The following ADGRG6 variants were observed in gnomAD, a reference collection of about 807,000 sequenced individuals.
ADGRG6 encodes G-protein coupled receptor 126.
Under a neutral mutation model 142.4 loss-of-function variants are expected in ADGRG6, and 84 were observed. The ratio of observed to expected loss-of-function variants is 0.59; its 90% CI spans 0.49 to 0.71. The LOEUF (loss-of-function observed/expected upper bound fraction) is 0.71. ADGRG6 is among the 30% of genes least tolerant of loss of function. ADGRG6 has a pLI of 0.00. For synonymous variants in ADGRG6, 521 were observed against 520.5 expected (o/e 1.00, Z -0.01); for missense variants, 1,367 against 1,466.6 (o/e 0.93, Z 1.11).
intron 1 of ADGRG6, among the ~76,000 whole-genome samples, chr6:142,304,015 T>C (rs1023342879): frequency 2.6e-5 from 4 of 152,178 alleles, no homozygotes; most frequent in African/African-American, 9.6e-5. Context: ...GTTTTCATTT[T>C]TTACCAGATG....
intron 2 of ADGRG6, among the ~76,000 whole-genome samples, chr6:142,315,850 A>C (rs1778030290): frequency 6.6e-6 from 1 of 151,050 alleles, no homozygotes; most frequent in East Asian, 1.9e-4. Flanking sequence ...TAAATAAATA[A>C]ATAAATAAAT....
chr6:142,321,296 C>T (rs1778503364), intron 2 of ADGRG6, among the ~76,000 whole-genome samples: 1 of 151,384 alleles, frequency 6.6e-6, no homozygotes, highest in Non-Finnish European at 1.5e-5. Flanking sequence ...TACACACACA[C>T]ACACACACAC....
At position 142,343,003 on chromosome 6, in the gene ADGRG6, G is replaced by A. The variant is rs9496342; in HGVS notation, c.104-24566G>A. 4.8e-3 allele frequency among the ~76,000 whole-genome samples: 734 copies of A among 151,514 alleles called. 9 individuals are homozygous for A. Among genetic ancestry groups the A allele is most frequent in the African/African-American group, 0.017 (697 of 41,426 alleles). ...ATTCTTAATATAAAACTGGGTAAAA[G>A]TTTTATAAAACTTTTATATATGGTA... On this transcript the variant is annotated intron_variant, in intron 2 of 24. Coordinates refer to ENST00000367609, the MANE Select transcript of ADGRG6 (RefSeq NM_198569.3).
At chr6:142,438,158 A>G (rs1311001882) in intron 23 of ADGRG6, 54 bp from the exon 24 acceptor site, 4 of 986,654 alleles carry the variant, frequency 4.1e-6, no homozygotes, top group African/African-American at 3.3e-5. Context: ...TTTTCAGAGC[A>G]GTTCATATTC....
chr6:142,432,816 T>C (rs1777277444), intron 22 of ADGRG6, among the ~76,000 whole-genome samples: 1 of 152,212 alleles, frequency 6.6e-6, no homozygotes, highest in Admixed American at 6.5e-5. Context: ...GACCTCGTTC[T>C]TTTCTGATGT....
chr6:142,391,063 G>A lies in ADGRG6; in HGVS notation c.1308+720G>A, dbSNP rs528829548. 7.9e-5 allele frequency among the ~76,000 whole-genome samples: 12 copies of A among 151,760 alleles called. No individual in the cohort carries two copies. In the South Asian group the frequency reaches 2.5e-3, roughly 32 times the overall value. On this transcript the variant is annotated intron_variant, in intron 7 of 24. Coordinates refer to ENST00000367609, the MANE Select transcript of ADGRG6 (RefSeq NM_198569.3). ...TCTTCTGTTGATGGACAGTTAGGCT[G>A]TAATTTATTTAACCAGTATCCTATT...
At position 142,409,859 on chromosome 6, in the gene ADGRG6, C is replaced by T; in HGVS notation, c.2389-15C>T. 7.7e-7 allele frequency: 1 copy of T among 1,306,752 alleles called. No homozygotes were observed. The highest frequency in any genetic ancestry group is 1.1e-6 in the Non-Finnish European group (1 of 931,728). The allele number at this position is 1,306,752 out of a possible 1,614,324, so 80.9% of individuals were successfully genotyped here. ...TTAAACACAATTTCACATGTTTATT[C>T]TTATGTTAATATAGGAAGTGCATCA... On this transcript the variant is annotated splice_polypyrimidine_tract_variant and intron_variant, in intron 16 of 24. Coordinates refer to ENST00000367609, the MANE Select transcript of ADGRG6 (RefSeq NM_198569.3).
rs1235425727 is a variant in ADGRG6, at chr6:142,397,791, A to G, written c.1567+36A>G. On this transcript the variant is annotated intron_variant, in intron 10 of 24. Coordinates refer to ENST00000367609, the MANE Select transcript of ADGRG6 (RefSeq NM_198569.3). Reference sequence around the variant, plus strand: ...AATTTTTTTATAATATGCATTTTATACAACTGTATATTCAGGTTTACTTGA... The same window carrying G: ...AATTTTTTTATAATATGCATTTTATGCAACTGTATATTCAGGTTTACTTGA... The G allele has an allele frequency of 2.3e-6, 3 of 1,325,598 alleles. No homozygotes were observed. In the Admixed American group the frequency reaches 8.7e-5, roughly 38 times the overall value. The allele number at this position is 1,325,598 out of a possible 1,614,324, so 82.1% of individuals were successfully genotyped here. A position where few individuals can be genotyped will look rare whatever the true frequency, so the allele number is the denominator to read the frequency against.
intron 7 of ADGRG6, among the ~76,000 whole-genome samples, chr6:142,390,969 T>G (rs911551925): frequency 6.6e-6 from 1 of 151,598 alleles, no homozygotes; most frequent in Admixed American, 6.6e-5. Flanking sequence ...GAACTACATG[T>G]TTTTTTTGTT....
At chr6:142,364,328 A>G (rs964767516) in intron 2 of ADGRG6, among the ~76,000 whole-genome samples, 5 of 152,192 alleles carry the variant, frequency 3.3e-5, no homozygotes, top group Non-Finnish European at 7.4e-5. Flanking sequence ...CTGTCTAGCC[A>G]CTGAAGGTAA....
At position 142,419,853 on chromosome 6, in the gene ADGRG6, T is replaced by C. The variant is rs1345671863; in HGVS notation, c.3068T>C (p.Val1023Ala). ...CWIQDPVIFY[V>A]TCAGYFGVMF... ...ATTCAAGATCCAGTCATATTTTATG[T>C]GACCTGTGCTGGGTATTTTGGAGTC... is the stretch of plus-strand genomic sequence containing the variant. The change falls in exon 22 of 25, where the codon GTG becomes GCG. Residue 1023 changes from valine (V) to alanine (A), a missense_variant. Val to Ala is a moderately conservative substitution (Grantham distance 64, BLOSUM62 0). Coordinates refer to ENST00000367609, the MANE Select transcript of ADGRG6 (RefSeq NM_198569.3). 1.2e-6 allele frequency: 2 copies of C among 1,611,266 alleles called. No individual in the cohort carries two copies. The highest frequency in any genetic ancestry group is 1.7e-6 in the Non-Finnish European group (2 of 1,178,522).
intron 6 of ADGRG6, among the ~76,000 whole-genome samples, chr6:142,386,758 A>G (rs1485739418): frequency 3.9e-5 from 6 of 152,314 alleles, no homozygotes; most frequent in African/African-American, 1.2e-4. Flanking sequence ...AGTTCAGGGT[A>G]GCGGGTGGCT....
At chr6:142,320,127 A>G (rs1449032037) in intron 2 of ADGRG6, among the ~76,000 whole-genome samples, 2 of 152,090 alleles carry the variant, frequency 1.3e-5, no homozygotes, top group Non-Finnish European at 1.5e-5. Context: ...TTCATATTTT[A>G]AAAGTAAGAC....
At chr6:142,307,475 A>G (rs1182727073) in intron 1 of ADGRG6, among the ~76,000 whole-genome samples, 1 of 151,986 alleles carries the variant, frequency 6.6e-6, no homozygotes, top group African/African-American at 2.4e-5. Flanking sequence ...AAACAGGCCT[A>G]TTCTTCCAAA....
chr6:142,429,234 A>G (rs1736832758), intron 22 of ADGRG6, among the ~76,000 whole-genome samples: 2 of 152,320 alleles, frequency 1.3e-5, no homozygotes, highest in Non-Finnish European at 2.9e-5. Flanking sequence ...AAGTCAAAGT[A>G]TGAGGTGAAA....
intron 2 of ADGRG6, among the ~76,000 whole-genome samples, chr6:142,336,889 T>C (rs1414083405): frequency 1.3e-5 from 2 of 152,206 alleles, no homozygotes; most frequent in Non-Finnish European, 2.9e-5. Flanking sequence ...ATATTCTTTT[T>C]CTCTGCATCA....
chr6:142,401,953 C>T, intron 11 of ADGRG6, 41 bp from the exon 12 acceptor site: 1 of 875,096 alleles, frequency 1.1e-6, no homozygotes. Flanking sequence ...AAAATAATAC[C>T]AGTTATATCA....
chr6:142,340,829 C>A (rs181201557), intron 2 of ADGRG6, among the ~76,000 whole-genome samples: 185 of 152,122 alleles, frequency 1.2e-3, no homozygotes, highest in Non-Finnish European at 2.1e-3. Flanking sequence ...ATGTTTCTGA[C>A]GTTAAGGTGT....
chr6:142,305,901 G>T (rs1482440544), intron 1 of ADGRG6, among the ~76,000 whole-genome samples: 1 of 122,900 alleles, frequency 8.1e-6, no homozygotes, highest in Non-Finnish European at 1.7e-5. Flanking sequence ...TAATAGAATA[G>T]CACTTTTTTT....
Sources: allele counts gnomAD v4.1 joint callset (sites outside exome capture counted in the v4.1 genomes callset), GRCh38; gene constraint gnomAD v4.1.1; transcripts MANE v1.5; gene names NCBI Gene and HGNC (gene_info 2026-07-23, HGNC 2026-07-21).